The following DSPP variants were observed in gnomAD, a reference collection of about 807,000 sequenced individuals.
DSPP encodes dentin sialophosphoprotein.
A neutral mutation model predicts 29.1 loss-of-function variants in DSPP; 28 were observed. The ratio of observed to expected loss-of-function variants is 0.96; its 90% CI spans 0.71 to 1.32. The LOEUF (loss-of-function observed/expected upper bound fraction) is 1.32, where lower values mean the gene tolerates loss of function less well. Ranked by LOEUF, DSPP falls within the 40% of genes most tolerant of loss-of-function variation. The pLI, the probability that DSPP is intolerant of heterozygous loss-of-function variation, is 0.00. For synonymous variants in DSPP, 481 were observed against 503.4 expected, an observed-to-expected ratio of 0.96 and a Z score of 0.60; for missense variants, 1,281 against 1,629.9, an observed-to-expected ratio of 0.79 and a Z score of 3.69.
chr4:87,613,465 G>A (rs544751983), intron 4 of DSPP, among the ~76,000 whole-genome samples, 157 bp downstream of exon 4: 16 of 152,210 alleles, frequency 1.1e-4, no homozygotes, highest in South Asian at 1.0e-3. Context: ...ACTAGACTTC[G>A]AGATAGAACA....
Position 87,615,115 on chromosome 4 carries a change from G to A in DSPP, c.2453G>A (p.Ser818Asn), listed in dbSNP as rs1168870533. The change falls in exon 5 of 5, where the codon AGC becomes AAC. Residue 818 changes from serine (S) to asparagine (N), a missense_variant. Ser to Asn is a conservative substitution (Grantham distance 46). Around this residue, in one of 4 missense-constraint regions of DSPP, gnomAD observed 444 missense variants for 611.4 expected, o/e 0.73. Coordinates refer to ENST00000651931, the MANE Select transcript of DSPP (RefSeq NM_014208.3). Reference protein sequence around the residue: ...DSSDSSDSSDSDSSNSSDSSN... With the variant: ...DSSDSSDSSDNDSSNSSDSSN... ...AGTGATAGCAGTGACAGCAGTGATA[G>A]CGACAGCAGCAATAGCAGTGACAGC... 1.9e-6 allele frequency: 3 copies of A among 1,549,654 alleles called. No individual in the cohort carries two copies. In the Admixed American group the frequency reaches 5.9e-5, roughly 30 times the overall value.
At position 87,612,489 on chromosome 4, in the gene DSPP, C is replaced by T. The variant is rs61731008; in HGVS notation, c.303C>T (p.Asn101=). Residue 101 remains asparagine (N), a synonymous_variant, in exon 4 of 5, where the codon AAC becomes AAT. Coordinates refer to ENST00000651931, the MANE Select transcript of DSPP (RefSeq NM_014208.3). ...KSFSTYSTLA[N]EEGNIEGWNG... ...TTTCTACATATTCCACATTAGCAAA[C>T]GAAGAGGGGAATATTGAGGGCTGGA... 1,625 of 1,613,532 alleles carry T rather than the reference C, an allele frequency of 1.0e-3. 8 individuals carry two copies. In the African/African-American group the frequency reaches 0.014, roughly 14 times the overall value.
Position 87,613,317 on chromosome 4 carries a change from G to A in DSPP, c.1122+9G>A. 1 of 1,613,018 alleles carries A rather than the reference G, an allele frequency of 6.2e-7. No individual in the cohort carries two copies. The highest frequency in any genetic ancestry group is 8.5e-7 in the Non-Finnish European group (1 of 1,179,958). On this transcript the variant is annotated intron_variant, in intron 4 of 4. Coordinates refer to ENST00000651931, the MANE Select transcript of DSPP (RefSeq NM_014208.3). ...GGAAGAGCCAAGATAAGGTTAGTTT[G>A]TAAAGCTGATTTCTTTCAATGGCAG...
At chr4:87,609,552 T>A (rs1727697464) in intron 1 of DSPP, among the ~76,000 whole-genome samples, 2 of 152,246 alleles carry the variant, frequency 1.3e-5, no homozygotes, top group South Asian at 4.1e-4. Context: ...GAGCTCTAGC[T>A]GTTCTTGGCT....
At chr4:87,609,835 A>T (rs956863779) in intron 1 of DSPP, among the ~76,000 whole-genome samples, 9 of 152,120 alleles carry the variant, frequency 5.9e-5, no homozygotes, top group Non-Finnish European at 1.2e-4. Context: ...ATATAAATTA[A>T]TTTTTTTACT....
Position 87,608,636 on chromosome 4 carries a change from C to T in DSPP, c.-29+16C>T, listed in dbSNP as rs541318352. ...GCCTTTTAAGGTAAGATGAAATATCCTTTTTACTCAGAACCAACTGATTCA... is the reference window on the plus strand; with the variant it reads ...GCCTTTTAAGGTAAGATGAAATATCTTTTTTACTCAGAACCAACTGATTCA... On this transcript the variant is annotated intron_variant, in intron 1 of 4. Transcript: ENST00000651931. 6.6e-6 allele frequency: 1 copy of T among 152,158 alleles called. No individual in the cohort carries two copies. The highest frequency in any genetic ancestry group is 2.1e-4 in the South Asian group (1 of 4,822). The allele number at this position is 152,158 out of a possible 1,614,324, so 9.4% of individuals were successfully genotyped here.
In DSPP at chr4:87,616,367, C is replaced by T. The variant is rs185578559; in HGVS notation, c.3705C>T (p.Ser1235=). Residue 1235 remains serine, a synonymous_variant, in exon 5 of 5, where the codon AGC becomes AGT. Coordinates refer to ENST00000651931, the MANE Select transcript of DSPP (RefSeq NM_014208.3). The part of the protein sequence containing the change: ...SSDSSDSNES[S]DSSDSSDSSD... Reference sequence around the variant, plus strand: ...ACAGCAGTGACAGCAATGAAAGCAGCGACAGCAGTGACAGCAGCGATAGCA... The same window carrying T: ...ACAGCAGTGACAGCAATGAAAGCAGTGACAGCAGTGACAGCAGCGATAGCA... 3.0e-5 allele frequency: 46 copies of T among 1,512,570 alleles called. 1 individual carries two copies. The highest frequency in any genetic ancestry group is 2.0e-4 in the African/African-American group (14 of 70,460). 93.7% of individuals were successfully genotyped at this position (1,512,570 alleles called of 1,614,324 possible).
chr4:87,611,575 TAA>T (rs1727735829), intron 2 of DSPP, among the ~76,000 whole-genome samples: 2 of 152,208 alleles, frequency 1.3e-5, no homozygotes, highest in Admixed American at 6.5e-5. Context: ...TATGCTTTCA[TAA>T]TACCAAACAT....
At chr4:87,613,404 T>C in intron 4 of DSPP, 96 bp downstream of exon 4, 1 of 1,411,958 alleles carries the variant, frequency 7.1e-7, no homozygotes, top group East Asian at 2.4e-5. Flanking sequence ...CAAGCATCCA[T>C]GTATTTTTGT....
rs769801036 is a variant in DSPP at position 87,613,272 on chromosome 4, A to G, written c.1086A>G (p.Glu362=). The G allele has an allele frequency of 2.5e-6, 4 of 1,613,636 alleles. No individual in the cohort carries two copies. Among genetic ancestry groups the G allele is most frequent in the Non-Finnish European group, 3.4e-6 (4 of 1,180,028 alleles). The change falls in exon 4 of 5, where the codon GAA becomes GAG. Residue 362 remains glutamate (E), a synonymous_variant. Coordinates refer to ENST00000651931, the MANE Select transcript of DSPP (RefSeq NM_014208.3). ...GCGTAGAAAATAGAATCACCAAAGA[A>G]TCAGAGACACATGCTGTTGGGAAGA... ...SKRVENRITK[E]SETHAVGKSQ...
chr4:87,610,808 C>A, intron 1 of DSPP, 73 bp from the exon 2 acceptor site: 3 of 1,023,718 alleles, frequency 2.9e-6, no homozygotes, highest in Non-Finnish European at 4.6e-6. Flanking sequence ...AATGCTTACA[C>A]ATCAAAATAA....
intron 4 of DSPP, 49 bp downstream of exon 4, chr4:87,613,357 C>A: frequency 6.3e-7 from 1 of 1,594,000 alleles, no homozygotes; most frequent in South Asian, 1.1e-5. Flanking sequence ...AATTCTTCCC[C>A]TCCATCTATT....
In DSPP at chr4:87,614,027, T is replaced by C; in HGVS notation, c.1365T>C (p.Phe455=). The C allele has an allele frequency of 6.2e-7, 1 of 1,614,214 alleles. No individual in the cohort carries two copies. The highest frequency in any genetic ancestry group is 8.5e-7 in the Non-Finnish European group (1 of 1,180,026). Residue 455 remains phenylalanine, a synonymous_variant, in exon 5 of 5, where the codon TTT becomes TTC. Coordinates refer to ENST00000651931, the MANE Select transcript of DSPP (RefSeq NM_014208.3). ...GTGATGGATATGACAGTTATGATTT[T>C]GATGATAAGTCCATGCAAGGAGATG... ...SNSDGYDSYD[F]DDKSMQGDDP... is the part of the protein sequence containing the mutation.
intron 1 of DSPP, among the ~76,000 whole-genome samples, chr4:87,609,355 G>C (rs1046164759): frequency 2.0e-5 from 3 of 152,156 alleles, no homozygotes; most frequent in African/African-American, 7.2e-5. Context: ...GTATGCTGAG[G>C]CTCTTCCAAA....
intron 4 of DSPP, among the ~76,000 whole-genome samples, 156 bp downstream of exon 4, chr4:87,613,464 C>T (rs371371532): frequency 3.9e-5 from 6 of 152,218 alleles, no homozygotes; most frequent in African/African-American, 1.2e-4. Flanking sequence ...TACTAGACTT[C>T]GAGATAGAAC....
rs371063190 is a variant in DSPP at position 87,612,549 on chromosome 4, T to C, written c.363T>C (p.His121=). ...CAGGAAAAGCAGAAACATATGGTCA[T>C]GATGGAATACATGGGAAAGAAGAAA... The part of the protein sequence containing the change: ...GDTGKAETYG[H]DGIHGKEENI... The change falls in exon 4 of 5, where the codon CAT becomes CAC. Residue 121 remains histidine (H), a synonymous_variant. Coordinates refer to ENST00000651931, the MANE Select transcript of DSPP (RefSeq NM_014208.3). The C allele has an allele frequency of 1.4e-4, 225 of 1,613,860 alleles. No homozygotes were observed. The highest frequency in any genetic ancestry group is 1.8e-4 in the Non-Finnish European group (217 of 1,179,946).
Position 87,616,084 on chromosome 4 carries a change from G to A in DSPP, c.3422G>A (p.Ser1141Asn). 1 of 1,484,200 alleles carries A rather than the reference G, an allele frequency of 6.7e-7. No homozygotes were observed. The highest frequency in any genetic ancestry group is 9.0e-7 in the Non-Finnish European group (1 of 1,116,808). The allele number at this position is 1,484,200 out of a possible 1,614,324, so 91.9% of individuals were successfully genotyped here. The change falls in exon 5 of 5, where the codon AGC (serine) becomes AAC (asparagine). Residue 1141 changes from serine (S) to asparagine (N), a missense_variant. Ser to Asn is a conservative substitution (Grantham distance 46, BLOSUM62 1). This residue lies in a region of DSPP where 72 missense variants were observed against 190.3 expected (regional missense o/e 0.38). Transcript: ENST00000651931. ...DSSDSSDSSN[S>N]SDSSDSSESS... ...AGTGATAGCAGTGACAGCAGCAACA[G>A]CAGTGACAGCAGTGACAGCAGTGAA...
At chr4:87,613,755 T>C (rs779157828) in intron 4 of DSPP, 30 bp from the exon 5 acceptor site, 1 of 1,614,002 alleles carries the variant, frequency 6.2e-7, no homozygotes, top group Non-Finnish European at 8.5e-7. Flanking sequence ...TATTCACTAG[T>C]TAATCATTCT....
chr4:87,612,053 AC>A, intron 2 of DSPP, 51 bp from the exon 3 acceptor site: 1 of 1,536,182 alleles, frequency 6.5e-7, no homozygotes, highest in Non-Finnish European at 9.0e-7. Context: ...ACGCTCACAC[AC>A]ATATTCACAA....
Sources: allele counts gnomAD v4.1 joint callset (sites outside exome capture counted in the v4.1 genomes callset), GRCh38; gene constraint gnomAD v4.1.1; regional missense constraint gnomAD v4.1.1; transcripts MANE v1.5; gene names NCBI Gene and HGNC (gene_info 2026-07-23, HGNC 2026-07-21).